Variants in PALM2AKAP2 observed in about 807,000 individuals in gnomAD.
PALM2AKAP2 encodes PALM2 and AKAP2 fusion.
In PALM2AKAP2, 37 loss-of-function variants were observed where a neutral mutation model predicts 71.5. That is an observed-to-expected ratio of 0.52 (90% CI 0.40 to 0.68). The LOEUF is 0.68. Ranked by LOEUF, PALM2AKAP2 falls within the 30% of genes least tolerant of loss-of-function variation. The pLI is 0.00. For synonymous variants in PALM2AKAP2, 468 were observed against 478.8 expected, an observed-to-expected ratio of 0.98 and a Z score of 0.29; for missense variants, 1,224 against 1,191.8, an observed-to-expected ratio of 1.03 and a Z score of -0.40.
At position 110,137,077 on chromosome 9, in the gene PALM2AKAP2, G is replaced by A. The variant is rs148720987; in HGVS notation, c.1107G>A (p.Leu369=). ...GGGCACAGCAGGAACAGTTGCTGCT[G>A]CAGAAGCAGTTACAGCAGCAGCAGC... Residue 369 remains leucine, a synonymous_variant, in exon 2 of 4, where the codon CTG becomes CTA. Transcript: ENST00000374525. 203 of 1,613,550 alleles carry A rather than the reference G, an allele frequency of 1.3e-4. No homozygotes were observed. In the African/African-American group the frequency reaches 2.3e-3, roughly 18 times the overall value.
chr9:110,091,879 C>T (rs186276378), intron 1 of PALM2AKAP2, among the ~76,000 whole-genome samples: 1 of 152,330 alleles, frequency 6.6e-6, no homozygotes, highest in East Asian at 1.9e-4. Context: ...AGATAAAGAA[C>T]AGTTCCATGA....
At chr9:109,981,033 G>A (rs1832259347) in intron 6 of PALM2AKAP2, among the ~76,000 whole-genome samples, 1 of 152,194 alleles carries the variant, frequency 6.6e-6, no homozygotes, top group African/African-American at 2.4e-5. Flanking sequence ...GTTGTTAGCA[G>A]TGAAGACTTC....
At chr9:109,651,379 G>A (rs1426561162) in intron 1 of PALM2AKAP2, among the ~76,000 whole-genome samples, 1 of 152,192 alleles carries the variant, frequency 6.6e-6, no homozygotes, top group African/African-American at 2.4e-5. Context: ...GGGACTTGAT[G>A]TGGCGATGGC....
intron 1 of PALM2AKAP2, among the ~76,000 whole-genome samples, chr9:110,070,266 C>T (rs1020912311): frequency 6.6e-6 from 1 of 152,236 alleles, no homozygotes; most frequent in Non-Finnish European, 1.5e-5. Context: ...TTCAAGGTCA[C>T]ATGCTTGCAT....
At chr9:110,137,313 T>C (rs1835907415) in exon 2 of PALM2AKAP2, 2 of 1,614,190 alleles carry the variant, frequency 1.2e-6, no homozygotes, top group East Asian at 4.5e-5. Context: ...TACAGGCCTC[T>C]GGGGTCAGTC....
chr9:110,082,205 T>A (rs915106770), intron 1 of PALM2AKAP2, among the ~76,000 whole-genome samples: 1 of 151,956 alleles, frequency 6.6e-6, no homozygotes, highest in African/African-American at 2.4e-5. Context: ...TACAGTAGTG[T>A]GCCACCACAC....
intron 1 of PALM2AKAP2, among the ~76,000 whole-genome samples, chr9:109,682,869 C>G (rs1436211073): frequency 6.6e-6 from 1 of 152,130 alleles, no homozygotes; most frequent in Non-Finnish European, 1.5e-5. Context: ...TGTCCTAATC[C>G]CTGAAACCTG....
chr9:110,061,961 T>G (rs747826018), intron 1 of PALM2AKAP2, among the ~76,000 whole-genome samples: 4 of 151,442 alleles, frequency 2.6e-5, no homozygotes, highest in Admixed American at 6.6e-5. Flanking sequence ...AGACAGTCTC[T>G]TAATCATTCC....
chr9:109,706,584 C>T (rs959905901), intron 1 of PALM2AKAP2, among the ~76,000 whole-genome samples: 1 of 152,184 alleles, frequency 6.6e-6, no homozygotes, highest in Non-Finnish European at 1.5e-5. Flanking sequence ...TGCAAACATA[C>T]GTTCACACAA....
At chr9:109,674,029 A>C (rs1207484931) in intron 1 of PALM2AKAP2, among the ~76,000 whole-genome samples, 5 of 151,852 alleles carry the variant, frequency 3.3e-5, no homozygotes, top group Non-Finnish European at 7.4e-5. Context: ...ACAGAATACC[A>C]ATGGGTCTTT....
intron 1 of PALM2AKAP2, among the ~76,000 whole-genome samples, chr9:109,646,387 A>G (rs1827154493): frequency 5.3e-5 from 8 of 152,264 alleles, no homozygotes; most frequent in Admixed American, 5.2e-4. Flanking sequence ...ACATAACACG[A>G]GAACTCTAAG....
chr9:109,832,779 T>C (rs542865667), intron 1 of PALM2AKAP2, among the ~76,000 whole-genome samples: 1 of 152,212 alleles, frequency 6.6e-6, no homozygotes, highest in African/African-American at 2.4e-5. Context: ...TCCGACACAA[T>C]TTCATTGGGG....
chr9:109,647,907 G>GC (rs748413395), intron 1 of PALM2AKAP2, among the ~76,000 whole-genome samples: 2 of 152,126 alleles, frequency 1.3e-5, no homozygotes, highest in African/African-American at 2.4e-5. Flanking sequence ...ATGTCACTTA[G>GC]CCCCCCTTTT....
upstream of PALM2AKAP2, among the ~76,000 whole-genome samples, chr9:110,047,421 C>A (rs1397651150): frequency 6.6e-6 from 1 of 152,140 alleles, no homozygotes; most frequent in Non-Finnish European, 1.5e-5. Flanking sequence ...CCAAGGGTAT[C>A]ATTTCTTTGT....
At chr9:109,983,700 A>C (rs1295229396) in intron 6 of PALM2AKAP2, among the ~76,000 whole-genome samples, 1 of 151,932 alleles carries the variant, frequency 6.6e-6, no homozygotes, top group Admixed American at 6.6e-5. Context: ...CCCCATCTCT[A>C]CTAAAAATAC....
At chr9:109,866,740 G>A (rs1482154978) in intron 1 of PALM2AKAP2, among the ~76,000 whole-genome samples, 2 of 152,150 alleles carry the variant, frequency 1.3e-5, no homozygotes, top group Non-Finnish European at 1.5e-5. Flanking sequence ...TGGTTTGGAT[G>A]CAGTTATTAT....
chr9:109,908,753 T>TA (rs1830504064), intron 3 of PALM2AKAP2, among the ~76,000 whole-genome samples: 1 of 152,172 alleles, frequency 6.6e-6, no homozygotes, highest in Non-Finnish European at 1.5e-5. Flanking sequence ...ATATGGTGAT[T>TA]ATTCCCAGTT....
At chr9:109,822,995 G>T (rs1225261682) in intron 1 of PALM2AKAP2, among the ~76,000 whole-genome samples, 1 of 152,122 alleles carries the variant, frequency 6.6e-6, no homozygotes, top group Non-Finnish European at 1.5e-5. Flanking sequence ...AGCTTCCTCT[G>T]CTTTCTGGTC....
At chr9:109,943,260 G>C in intron 6 of PALM2AKAP2, 1 of 1,614,232 alleles carries the variant, frequency 6.2e-7, no homozygotes, top group South Asian at 1.1e-5. Flanking sequence ...AGACAGTGAC[G>C]GACGTGTCCA....
Sources: allele counts gnomAD v4.1 joint callset (sites outside exome capture counted in the v4.1 genomes callset), GRCh38; gene constraint gnomAD v4.1.1; transcripts MANE v1.5; gene names NCBI Gene and HGNC (gene_info 2026-07-23, HGNC 2026-07-21).